CTNNBL1: variants seen among roughly 807,000 people sequenced by gnomAD.
CTNNBL1 encodes catenin beta like 1, also known as beta-catenin-like protein 1.
A neutral mutation model predicts 72.7 loss-of-function variants in CTNNBL1; 31 were observed. That is an observed-to-expected ratio of 0.43 (90% confidence interval 0.32 to 0.58). The LOEUF is 0.58. CTNNBL1 is among the 20% of genes least tolerant of loss of function. The pLI is 0.08. For missense variants in CTNNBL1, 534 were observed against 725.1 expected (o/e 0.74, Z 3.03); for synonymous variants, 240 against 267.3 (o/e 0.90, Z 1.00).
chr20:37,820,600 C>T (rs1043225386), intron 11 of CTNNBL1, among the ~76,000 whole-genome samples: 2 of 152,170 alleles, frequency 1.3e-5, no homozygotes, highest in African/African-American at 2.4e-5. Flanking sequence ...CCCCCAATCT[C>T]TTCTCGTGAT....
chr20:37,798,097 C>T (rs1218489444), intron 10 of CTNNBL1, among the ~76,000 whole-genome samples: 1 of 152,152 alleles, frequency 6.6e-6, no homozygotes, highest in Non-Finnish European at 1.5e-5. Context: ...ATGTCTGTCT[C>T]CCCTGTGGAC....
At chr20:37,701,327 T>C (rs181573109) in intron 1 of CTNNBL1, among the ~76,000 whole-genome samples, 2 of 152,314 alleles carry the variant, frequency 1.3e-5, no homozygotes, top group Non-Finnish European at 2.9e-5. Flanking sequence ...GTGAAGTGCT[T>C]TGTTCATGTA....
chr20:37,694,814 A>T (rs1396877157), intron 1 of CTNNBL1: 1 of 152,202 alleles, frequency 6.6e-6, no homozygotes. Flanking sequence ...ACTGTATGGG[A>T]CCTAGAGAGC....
At chr20:37,794,985 C>T (rs1214812864) in intron 10 of CTNNBL1, among the ~76,000 whole-genome samples, 1 of 151,792 alleles carries the variant, frequency 6.6e-6, no homozygotes, top group Non-Finnish European at 1.5e-5. Context: ...GTAATTTGTC[C>T]CTTTTTTCTG....
In CTNNBL1 at chr20:37,737,431, G is replaced by C; in HGVS notation, c.273G>C (p.Lys91Asn). 6.2e-7 allele frequency: 1 copy of C among 1,613,772 alleles called. No individual in the cohort carries two copies. The highest frequency in any genetic ancestry group is 8.5e-7 in the Non-Finnish European group (1 of 1,179,814). Reference protein sequence around the residue: ...SVKKMILTFEKRSYKNQELRI... With the variant: ...SVKKMILTFENRSYKNQELRI... ...AGAAAATGATCCTCACATTTGAAAA[G>C]AGATCATATAAAAACCAAGAATTGC... Residue 91 changes from lysine (K) to asparagine (N), a missense_variant, in exon 3 of 16, where the codon AAG (lysine) becomes AAC (asparagine). Physicochemically the swap from Lys to Asn is moderately conservative, Grantham distance 94. Transcript: ENST00000361383.
At chr20:37,747,124 TC>T (rs2073272918) in intron 4 of CTNNBL1, among the ~76,000 whole-genome samples, 1 of 152,202 alleles carries the variant, frequency 6.6e-6, no homozygotes, top group South Asian at 2.1e-4. Flanking sequence ...GTGCCTGTAA[TC>T]CCAAGACTTT....
chr20:37,704,615 G>A (rs1057398787), intron 1 of CTNNBL1, among the ~76,000 whole-genome samples: 1 of 152,064 alleles, frequency 6.6e-6, no homozygotes, highest in Non-Finnish European at 1.5e-5. Context: ...GGATGCTGAA[G>A]TGGGAGGATT....
intron 4 of CTNNBL1, among the ~76,000 whole-genome samples, chr20:37,756,722 C>T (rs1323330041): frequency 2.7e-5 from 4 of 149,288 alleles, no homozygotes; most frequent in South Asian, 4.3e-4. Flanking sequence ...ACTGCAGCCT[C>T]GATCTCCTGA....
intron 11 of CTNNBL1, among the ~76,000 whole-genome samples, chr20:37,838,149 C>T (rs561311800): frequency 2.0e-5 from 3 of 152,278 alleles, no homozygotes; most frequent in Admixed American, 6.5e-5. Flanking sequence ...GCAGAAGCCC[C>T]GAGGCAGGAA....
intron 15 of CTNNBL1, among the ~76,000 whole-genome samples, chr20:37,863,934 T>C (rs2072514416): frequency 6.6e-6 from 1 of 152,160 alleles, no homozygotes; most frequent in Admixed American, 6.5e-5. Context: ...CTCCCGCTGG[T>C]GTGCCCCTGT....
At chr20:37,733,809 AT>A (rs1233513747) in intron 2 of CTNNBL1, among the ~76,000 whole-genome samples, 1 of 152,078 alleles carries the variant, frequency 6.6e-6, no homozygotes. Context: ...TATTTTGCTC[AT>A]TGCTGTCCTC....
intron 7 of CTNNBL1, among the ~76,000 whole-genome samples, chr20:37,773,336 G>A (rs1241236978): frequency 6.6e-6 from 1 of 152,228 alleles, no homozygotes; most frequent in Non-Finnish European, 1.5e-5. Flanking sequence ...CTGGCTGTGA[G>A]TGGTAGCATA....
At chr20:37,839,954 C>G in intron 11 of CTNNBL1, 148 bp from the exon 12 acceptor site, 1 of 573,096 alleles carries the variant, frequency 1.7e-6, no homozygotes, top group Non-Finnish European at 3.1e-6. Flanking sequence ...TTTTTAGTGA[C>G]ACAATTTAGG....
intron 11 of CTNNBL1, among the ~76,000 whole-genome samples, chr20:37,824,072 T>A (rs181361910): frequency 1.3e-5 from 2 of 152,310 alleles, no homozygotes; most frequent in Non-Finnish European, 2.9e-5. Context: ...CAAAGTCAGT[T>A]TAAATTACTT....
chr20:37,829,374 T>C (rs1183376878), intron 11 of CTNNBL1, among the ~76,000 whole-genome samples: 1 of 152,140 alleles, frequency 6.6e-6, no homozygotes, highest in Non-Finnish European at 1.5e-5. Flanking sequence ...CTGACCCATG[T>C]GTGTCTTTCT....
At chr20:37,753,554 T>C (rs1235441749) in intron 4 of CTNNBL1, among the ~76,000 whole-genome samples, 1 of 152,184 alleles carries the variant, frequency 6.6e-6, no homozygotes, top group Non-Finnish European at 1.5e-5. Context: ...AATATGAAAT[T>C]AGGTCTTCCA....
intron 7 of CTNNBL1, among the ~76,000 whole-genome samples, chr20:37,772,509 C>T (rs566853009): frequency 9.7e-4 from 148 of 152,232 alleles, no homozygotes; most frequent in Non-Finnish European, 1.8e-3. Flanking sequence ...CCACCACATC[C>T]GGCTAATTTT....
At chr20:37,871,225 G>C (rs925955395) in intron 15 of CTNNBL1, among the ~76,000 whole-genome samples, 5 of 152,220 alleles carry the variant, frequency 3.3e-5, no homozygotes, top group African/African-American at 9.6e-5. Context: ...TGCTGCTGCT[G>C]CTGCTGCTGC....
chr20:37,705,470 A>T lies in CTNNBL1; in HGVS notation c.30+11318A>T, dbSNP rs184386489. ...TGCTACAGCAACATGGCAAAAAAAAATTTTTTTTTAATTCTACAAAATTGC... is the reference window on the plus strand; with the variant it reads ...TGCTACAGCAACATGGCAAAAAAAATTTTTTTTTTAATTCTACAAAATTGC... On this transcript the variant is annotated intron_variant, in intron 1 of 15. Coordinates refer to ENST00000361383, the MANE Select transcript of CTNNBL1 (RefSeq NM_030877.5). 6.3e-3 allele frequency among the ~76,000 whole-genome samples: 954 copies of T among 151,968 alleles called. 6 individuals carry two copies. The highest frequency in any genetic ancestry group is 0.021 in the African/African-American group (884 of 41,424).
Sources: allele counts gnomAD v4.1 joint callset (sites outside exome capture counted in the v4.1 genomes callset), GRCh38; gene constraint gnomAD v4.1.1; transcripts MANE v1.5; gene names NCBI Gene and HGNC (gene_info 2026-07-23, HGNC 2026-07-21).